The following CEP63 variants were observed in gnomAD, a reference collection of about 807,000 sequenced individuals.
The protein encoded by CEP63 is centrosomal protein of 63 kDa.
Under a neutral mutation model 89.1 loss-of-function variants are expected in CEP63, and 84 were observed. The ratio of observed to expected loss-of-function variants is 0.94; its 90% CI spans 0.79 to 1.13. CEP63 has a LOEUF of 1.13. Among genes scored for constraint, CEP63 ranks in the 50% most tolerant of loss-of-function variants. The probability of loss-of-function intolerance (pLI) is 0.00; values close to 1 mark genes in which losing one functional copy is unlikely to be tolerated. For synonymous variants in CEP63, 267 were observed against 272.5 expected, an observed-to-expected ratio of 0.98 and a Z score of 0.20; for missense variants, 838 against 813.3, an observed-to-expected ratio of 1.03 and a Z score of -0.37.
At chr3:134,517,375 A>G (rs578002198) in intron 3 of CEP63, among the ~76,000 whole-genome samples, 1 of 152,348 alleles carries the variant, frequency 6.6e-6, no homozygotes, top group South Asian at 2.1e-4. Context: ...TGAAGCCACA[A>G]TCATAGGGGA....
chr3:134,699,398 A>T, the CEP63 span, among the ~76,000 whole-genome samples: 1 of 152,204 alleles, frequency 6.6e-6, no homozygotes, highest in Non-Finnish European at 1.5e-5. Context: ...TAGGTGGAAA[A>T]GAGAGTGCGC....
chr3:134,544,031 C>A (rs1952639823), intron 6 of CEP63, among the ~76,000 whole-genome samples: 1 of 150,716 alleles, frequency 6.6e-6, no homozygotes, highest in African/African-American at 2.4e-5. Flanking sequence ...TTGTCTATCT[C>A]TTCACCTCTC....
At chr3:134,712,327 G>T in the CEP63 span, among the ~76,000 whole-genome samples, 3 of 151,860 alleles carry the variant, frequency 2.0e-5, no homozygotes, top group Admixed American at 6.6e-5. Context: ...TGGAACTCCC[G>T]TTGTCAGATT....
the CEP63 span, among the ~76,000 whole-genome samples, chr3:134,728,407 G>T: frequency 7.9e-5 from 12 of 152,156 alleles, no homozygotes; most frequent in African/African-American, 2.9e-4. Context: ...TGTGATTTAC[G>T]TATAGGAATG....
the CEP63 span, among the ~76,000 whole-genome samples, chr3:134,667,788 G>A: frequency 6.6e-6 from 1 of 152,154 alleles, no homozygotes; most frequent in Non-Finnish European, 1.5e-5. Flanking sequence ...CTGGGTAGGT[G>A]ACCAAGACCC....
the CEP63 span, among the ~76,000 whole-genome samples, chr3:134,656,940 G>T: frequency 6.6e-6 from 1 of 152,220 alleles, no homozygotes; most frequent in Non-Finnish European, 1.5e-5. Context: ...ACCATCTAGA[G>T]ATAATCACTT....
In CEP63 at chr3:134,513,825, A is replaced by G. The variant is rs139906551; in HGVS notation, c.222+6539A>G. 5.6e-4 allele frequency among the ~76,000 whole-genome samples: 85 copies of G among 152,274 alleles called. 1 individual carries two copies. Among genetic ancestry groups the G allele is most frequent in the South Asian group, 3.3e-3 (16 of 4,818 alleles). On this transcript the variant is annotated intron_variant, in intron 3 of 14. Transcript: ENST00000675561. ...GTTTTAAGTTAAACTTAAGAGTGCTACTGTCCCCAGGCATCTCCAAAGTGC... is the reference window on the plus strand; with the variant it reads ...GTTTTAAGTTAAACTTAAGAGTGCTGCTGTCCCCAGGCATCTCCAAAGTGC...
the CEP63 span, among the ~76,000 whole-genome samples, chr3:134,627,563 G>C: frequency 6.6e-6 from 1 of 152,182 alleles, no homozygotes; most frequent in African/African-American, 2.4e-5. Context: ...TGGTGCATGA[G>C]CTTTTTCCTT....
the CEP63 span, among the ~76,000 whole-genome samples, chr3:134,702,378 T>C: frequency 6.6e-6 from 1 of 150,896 alleles, no homozygotes; most frequent in Non-Finnish European, 1.5e-5. Flanking sequence ...TTGAAATTTA[T>C]GTGGAACCAA....
chr3:134,752,238 T>C, the CEP63 span, among the ~76,000 whole-genome samples: 1 of 152,188 alleles, frequency 6.6e-6, no homozygotes, highest in African/African-American at 2.4e-5. Context: ...GTAGATGTTT[T>C]TGGGTGAGTT....
At chr3:134,736,957 G>A in the CEP63 span, among the ~76,000 whole-genome samples, 3 of 152,150 alleles carry the variant, frequency 2.0e-5, no homozygotes, top group African/African-American at 7.2e-5. Flanking sequence ...TTGGTGTGGG[G>A]CAGAGCAAAT....
chr3:134,585,002 A>G (rs1958453939), intron 10 of CEP63, among the ~76,000 whole-genome samples: 1 of 130,538 alleles, frequency 7.7e-6, no homozygotes. Context: ...GTATTCTCTC[A>G]CGGTAGTTTG....
At chr3:134,497,923 G>A (rs1465749460) in intron 2 of CEP63, among the ~76,000 whole-genome samples, 2 of 152,036 alleles carry the variant, frequency 1.3e-5, no homozygotes, top group East Asian at 1.9e-4. Context: ...TTCCGTTGGT[G>A]TATGTTTCTG....
intron 2 of CEP63, among the ~76,000 whole-genome samples, chr3:134,506,605 A>G (rs1943509768): frequency 6.6e-6 from 1 of 152,204 alleles, no homozygotes; most frequent in Non-Finnish European, 1.5e-5. Flanking sequence ...ATAAGTAATC[A>G]TCTTAATATG....
In CEP63 at chr3:134,559,233, C is replaced by G; in HGVS notation, c.1757C>G (p.Ser586Trp). The change falls in exon 14 of 15, where the codon TCG (serine) becomes TGG (tryptophan). Residue 586 changes from serine to tryptophan, a missense_variant. Transcript: ENST00000675561. ...CTTCATTCTCCAAGAGGACAAGCGT[C>G]GGATAGTATAAACCCCATGTCTAGG... ...TDLHSPRGQA[S>W]DSINPMSRVL... is the part of the protein sequence containing the mutation. The G allele has an allele frequency of 6.2e-7, 1 of 1,614,164 alleles. No homozygotes were observed. The highest frequency in any genetic ancestry group is 8.5e-7 in the Non-Finnish European group (1 of 1,180,004).
the CEP63 span, among the ~76,000 whole-genome samples, chr3:134,716,202 C>G: frequency 1.6e-4 from 25 of 152,208 alleles, no homozygotes; most frequent in Non-Finnish European, 3.5e-4. Context: ...GATTCTCTTG[C>G]AGTGCCTGGA....
At chr3:134,663,315 A>G in the CEP63 span, among the ~76,000 whole-genome samples, 1 of 152,112 alleles carries the variant, frequency 6.6e-6, no homozygotes, top group Non-Finnish European at 1.5e-5. Context: ...GTATTCACAA[A>G]TGTTTAGGTA....
chr3:134,555,929 T>C (rs1038961438), intron 12 of CEP63, among the ~76,000 whole-genome samples: 4 of 151,678 alleles, frequency 2.6e-5, no homozygotes, highest in Non-Finnish European at 2.9e-5. Context: ...AAAAGAGATA[T>C]AGATCAATGG....
chr3:134,732,106 A>AT, the CEP63 span, among the ~76,000 whole-genome samples: 1 of 152,214 alleles, frequency 6.6e-6, no homozygotes, highest in Non-Finnish European at 1.5e-5. Context: ...TCCTGCAGAG[A>AT]TAAAAAATGA....
Sources: gnomAD v4.1 joint callset for allele counts (sites outside exome capture counted in the v4.1 genomes callset) on GRCh38, gnomAD v4.1.1 for gene constraint, MANE v1.5 for transcripts, NCBI Gene and HGNC (gene_info 2026-07-23, HGNC 2026-07-21) for gene names.